Variants in RNF130 observed in about 807,000 individuals in gnomAD.
RNF130 encodes E3 ubiquitin-protein ligase RNF130.
A neutral mutation model predicts 44.6 loss-of-function variants in RNF130; 21 were observed. The ratio of observed to expected loss-of-function variants is 0.47; its 90% CI spans 0.33 to 0.68. RNF130 has a LOEUF of 0.68. Ranked by LOEUF, RNF130 falls within the 30% of genes least tolerant of loss-of-function variation. The pLI, the probability that RNF130 is intolerant of heterozygous loss-of-function variation, is 0.02. For missense variants in RNF130, 479 were observed against 560.6 expected (o/e 0.85, Z 1.47); for synonymous variants, 214 against 210.4 (o/e 1.02, Z -0.15).
intron 2 of RNF130, among the ~76,000 whole-genome samples, chr5:180,022,135 T>TA (rs1223252812): frequency 1.3e-5 from 2 of 152,208 alleles, no homozygotes; most frequent in Non-Finnish European, 2.9e-5. Context: ...AGCTTTTTTT[T>TA]ATTTGCCATT....
In RNF130 at chr5:179,977,893, T is replaced by C. The variant is rs967482917; in HGVS notation, c.848+310A>G. On this transcript the variant is annotated intron_variant, in intron 5 of 8. Coordinates refer to ENST00000521389, the MANE Select transcript of RNF130 (RefSeq NM_018434.6). The surrounding 1 kb of genome is among the most constrained non-coding windows in gnomAD (Gnocchi z 4.1). ...ATAAATAAATAAAAGAAAACAAACA[T>C]AAAAAGATAAACGAAACCATAGAAC... Among the ~76,000 whole-genome samples, 3 of 152,060 alleles carry C rather than the reference T, an allele frequency of 2.0e-5. No homozygotes were observed. Among genetic ancestry groups the C allele is most frequent in the African/African-American group, 7.2e-5 (3 of 41,386 alleles).
At chr5:179,935,987 T>G (rs867889931) in intron 7 of RNF130, among the ~76,000 whole-genome samples, 14 of 152,196 alleles carry the variant, frequency 9.2e-5, no homozygotes, top group South Asian at 2.1e-4. Flanking sequence ...GAGCAGCACT[T>G]AGGTTACCCA....
At chr5:180,013,348 T>G in intron 2 of RNF130, 37 bp from the exon 3 acceptor site, 1 of 1,543,546 alleles carries the variant, frequency 6.5e-7, no homozygotes, top group Non-Finnish European at 8.8e-7. Flanking sequence ...CAAGTGACAT[T>G]TAAAACTTAT....
chr5:179,987,336 T>G (rs957142093), intron 3 of RNF130, among the ~76,000 whole-genome samples: 3 of 152,110 alleles, frequency 2.0e-5, no homozygotes, highest in Non-Finnish European at 2.9e-5. Flanking sequence ...CCTGGCTAAT[T>G]TCTATATTTC....
chr5:180,003,928 G>A (rs1437907462), intron 3 of RNF130, among the ~76,000 whole-genome samples: 2 of 152,110 alleles, frequency 1.3e-5, no homozygotes, highest in Non-Finnish European at 2.9e-5. Context: ...AGGTTTATTC[G>A]GTACATACCA....
intron 5 of RNF130, among the ~76,000 whole-genome samples, chr5:179,976,455 TC>T (rs1216288503): frequency 6.6e-6 from 1 of 152,222 alleles, no homozygotes; most frequent in East Asian, 1.9e-4. Context: ...GGATGACGCC[TC>T]CCTGTGTCCC....
intron 7 of RNF130, among the ~76,000 whole-genome samples, chr5:179,965,114 C>T (rs1228525824): frequency 2.6e-5 from 4 of 152,148 alleles, no homozygotes; most frequent in Admixed American, 2.0e-4. Flanking sequence ...CTGAGTCTAC[C>T]ATCCCGTATT....
chr5:180,056,109 AAAAC>A (rs970263413), intron 1 of RNF130, among the ~76,000 whole-genome samples: 13 of 152,170 alleles, frequency 8.5e-5, no homozygotes, highest in South Asian at 2.1e-4. Flanking sequence ...CAAAAACAAA[AAAAC>A]AAACAAACCA....
At chr5:180,028,927 G>T (rs1364301622) in intron 2 of RNF130, among the ~76,000 whole-genome samples, 1 of 152,144 alleles carries the variant, frequency 6.6e-6, no homozygotes, top group Non-Finnish European at 1.5e-5. Context: ...AAAAGCTACT[G>T]CTTATTCCAG....
At chr5:179,976,593 T>C (rs1056606427) in intron 5 of RNF130, among the ~76,000 whole-genome samples, 2 of 152,212 alleles carry the variant, frequency 1.3e-5, no homozygotes, top group African/African-American at 4.8e-5. Flanking sequence ...ACAGCTTACA[T>C]TTAGTTTTAT....
intron 1 of RNF130, among the ~76,000 whole-genome samples, chr5:180,061,172 G>C (rs1014443525): frequency 1.3e-5 from 2 of 150,052 alleles, no homozygotes; most frequent in Non-Finnish European, 1.5e-5. Context: ...GATTCAGCAA[G>C]TATCCTGAAA....
intron 1 of RNF130, among the ~76,000 whole-genome samples, chr5:180,070,303 T>G (rs1306860295): frequency 6.6e-6 from 1 of 152,204 alleles, no homozygotes; most frequent in African/African-American, 2.4e-5. Context: ...ATATGCACCT[T>G]AAGCACCTGA....
At chr5:180,053,680 G>A (rs1764737313) in intron 1 of RNF130, among the ~76,000 whole-genome samples, 1 of 151,918 alleles carries the variant, frequency 6.6e-6, no homozygotes, top group South Asian at 2.1e-4. Flanking sequence ...TACTGCCCAG[G>A]GCCAACTAAA....
intron 7 of RNF130, among the ~76,000 whole-genome samples, chr5:179,921,864 T>C (rs1240878530): frequency 6.6e-6 from 1 of 150,678 alleles, no homozygotes; most frequent in East Asian, 1.9e-4. Flanking sequence ...CTACTAAAAA[T>C]ACAAAAAATT....
intron 7 of RNF130, among the ~76,000 whole-genome samples, chr5:179,940,996 T>C (rs1761963468): frequency 6.6e-6 from 1 of 152,226 alleles, no homozygotes; most frequent in Non-Finnish European, 1.5e-5. Flanking sequence ...AACTCTCTAT[T>C]GAGTTCTTCC....
chr5:180,013,698 A>G (rs1763645504), intron 2 of RNF130, among the ~76,000 whole-genome samples: 1 of 152,212 alleles, frequency 6.6e-6, no homozygotes, highest in Admixed American at 6.5e-5. Flanking sequence ...AACCTTTTCT[A>G]TTTTAAAATG....
intron 3 of RNF130, among the ~76,000 whole-genome samples, chr5:179,982,410 T>C (rs1416830910): frequency 1.3e-5 from 2 of 152,172 alleles, no homozygotes; most frequent in East Asian, 3.9e-4. Flanking sequence ...ATACTGCAAG[T>C]AGAAAGATGG....
At chr5:179,948,240 A>G (rs962774371) in intron 7 of RNF130, among the ~76,000 whole-genome samples, 2 of 152,216 alleles carry the variant, frequency 1.3e-5, no homozygotes, top group African/African-American at 2.4e-5. Flanking sequence ...ATACATGTGA[A>G]CAACTCAGCA....
intron 2 of RNF130, among the ~76,000 whole-genome samples, chr5:180,025,543 G>A (rs1355948605): frequency 1.3e-5 from 2 of 152,078 alleles, no homozygotes; most frequent in Non-Finnish European, 2.9e-5. Context: ...TTTTAAAATG[G>A]AACCATTGCA....
Sources: allele counts gnomAD v4.1 joint callset (sites outside exome capture counted in the v4.1 genomes callset), GRCh38; gene constraint gnomAD v4.1.1; non-coding constraint Gnocchi (gnomAD v3.1); transcripts MANE v1.5; gene names NCBI Gene and HGNC (gene_info 2026-07-23, HGNC 2026-07-21).